Variants in SAMD3 observed in about 807,000 individuals in gnomAD.
SAMD3 encodes sterile alpha motif domain containing 3, also known as sterile alpha motif domain-containing protein 3.
A neutral mutation model predicts 58.5 loss-of-function variants in SAMD3; 63 were observed. The ratio of observed to expected loss-of-function variants is 1.08; its 90% CI spans 0.88 to 1.33. The LOEUF is 1.33. Ranked by LOEUF, SAMD3 falls within the 40% of genes most tolerant of loss-of-function variation. The probability of loss-of-function intolerance (pLI) is 0.00; values close to 1 mark genes in which losing one functional copy is unlikely to be tolerated. For missense variants in SAMD3, 604 were observed against 608.4 expected, an observed-to-expected ratio of 0.99 and a Z score of 0.08; for synonymous variants, 220 against 210.3, an observed-to-expected ratio of 1.05 and a Z score of -0.40.
intron 1 of SAMD3, among the ~76,000 whole-genome samples, chr6:130,319,341 C>CTTATAAT (rs1184825182): frequency 6.6e-6 from 1 of 151,874 alleles, no homozygotes; most frequent in Non-Finnish European, 1.5e-5. Flanking sequence ...TGCAAAGACA[C>CTTATAAT]GTTATAATGA....
At chr6:130,261,549 T>C (rs1334795971) in intron 2 of SAMD3, among the ~76,000 whole-genome samples, 1 of 152,172 alleles carries the variant, frequency 6.6e-6, no homozygotes, top group Admixed American at 6.5e-5. Flanking sequence ...ACTGCAAAAG[T>C]GTGTGTGTGC....
intron 8 of SAMD3, among the ~76,000 whole-genome samples, chr6:130,165,908 C>G (rs997345321): frequency 1.3e-5 from 2 of 152,126 alleles, no homozygotes; most frequent in East Asian, 1.9e-4. Context: ...GGATGAACAT[C>G]GAGCTATGAT....
upstream of SAMD3, among the ~76,000 whole-genome samples, chr6:130,225,126 G>T (rs1254499611): frequency 2.0e-5 from 3 of 151,328 alleles, no homozygotes; most frequent in Admixed American, 6.6e-5. Context: ...GAGAGGAAAA[G>T]GTTATGTGAA....
intron 2 of SAMD3, among the ~76,000 whole-genome samples, chr6:130,306,501 T>C (rs907260779): frequency 2.0e-5 from 3 of 152,206 alleles, no homozygotes; most frequent in Non-Finnish European, 2.9e-5. Context: ...AAGCATCTAC[T>C]CTCACAGGTG....
At chr6:130,149,632 G>A (rs927730825) in intron 9 of SAMD3, among the ~76,000 whole-genome samples, 4 of 152,176 alleles carry the variant, frequency 2.6e-5, no homozygotes, top group South Asian at 2.1e-4. Context: ...GATACTGCAT[G>A]TTCTTTCTTA....
chr6:130,298,899 T>C (rs893606993), intron 2 of SAMD3, among the ~76,000 whole-genome samples: 1 of 152,128 alleles, frequency 6.6e-6, no homozygotes, highest in Non-Finnish European at 1.5e-5. Flanking sequence ...CATTATTTAA[T>C]GATAAAGGGT....
Position 130,232,085 on chromosome 6 carries a change from C to A in SAMD3, c.-187-9272G>T, listed in dbSNP as rs1294692135. Among the ~76,000 whole-genome samples, 2 of 152,110 alleles carry A rather than the reference C, an allele frequency of 1.3e-5. 1 individual carries two copies. The highest frequency in any genetic ancestry group is 4.1e-4 in the South Asian group (2 of 4,826). ...AGTAGACATTACAGATAGACAGTTC[C>A]TGGATCGATAGTGACCCAGGAACTT... is the stretch of plus-strand genomic sequence containing the variant. On this transcript the variant is annotated intron_variant, in intron 2 of 13. Coordinates refer to the SAMD3 transcript ENST00000368134.
chr6:130,235,621 C>G (rs1773119425), intron 2 of SAMD3, among the ~76,000 whole-genome samples: 1 of 152,128 alleles, frequency 6.6e-6, no homozygotes, highest in Non-Finnish European at 1.5e-5. Flanking sequence ...CTTTCAGACT[C>G]TCAAATTTTA....
At chr6:130,214,125 T>C (rs1442680937) in intron 4 of SAMD3, among the ~76,000 whole-genome samples, 2 of 152,172 alleles carry the variant, frequency 1.3e-5, no homozygotes, top group Non-Finnish European at 2.9e-5. Flanking sequence ...TCCCTAATGA[T>C]TGGAATCCAT....
intron 2 of SAMD3, among the ~76,000 whole-genome samples, chr6:130,298,654 A>G (rs1775648111): frequency 6.6e-6 from 1 of 152,150 alleles, no homozygotes; most frequent in African/African-American, 2.4e-5. Context: ...ATAAACAAAA[A>G]GCTTAAATGC....
intron 5 of SAMD3, among the ~76,000 whole-genome samples, chr6:130,197,286 C>A (rs1180470018): frequency 6.6e-6 from 1 of 152,230 alleles, no homozygotes; most frequent in African/African-American, 2.4e-5. Context: ...TCTAGTCATA[C>A]TCTTATTCAC....
chr6:130,267,706 A>T (rs1204877597), intron 2 of SAMD3, among the ~76,000 whole-genome samples: 1 of 152,200 alleles, frequency 6.6e-6, no homozygotes, highest in African/African-American at 2.4e-5. Flanking sequence ...AAGTGATGTT[A>T]TCTACAGATT....
At chr6:130,302,438 CAA>C (rs1444016061) in intron 2 of SAMD3, among the ~76,000 whole-genome samples, 2 of 152,060 alleles carry the variant, frequency 1.3e-5, no homozygotes, top group African/African-American at 4.8e-5. Flanking sequence ...CAGATATTGG[CAA>C]AGATATGAAG....
chr6:130,218,917 GA>G (rs1387026422), intron 1 of SAMD3, among the ~76,000 whole-genome samples: 1 of 152,180 alleles, frequency 6.6e-6, no homozygotes, highest in Non-Finnish European at 1.5e-5. Context: ...GAAGATCGCA[GA>G]AAGGCTTAGA....
At chr6:130,224,578 A>C (rs1796332294), upstream of SAMD3, among the ~76,000 whole-genome samples, 1 of 149,444 alleles carries the variant, frequency 6.7e-6, no homozygotes, top group African/African-American at 2.5e-5. Context: ...GTTTATGCAA[A>C]AGCACTCTAT....
At chr6:130,336,837 G>T (rs1478370139) in intron 1 of SAMD3, among the ~76,000 whole-genome samples, 2 of 152,138 alleles carry the variant, frequency 1.3e-5, no homozygotes. Flanking sequence ...ACACAATTTT[G>T]TGGTGGTCTT....
At chr6:130,326,193 ACT>A (rs1302686756) in intron 1 of SAMD3, among the ~76,000 whole-genome samples, 1 of 151,500 alleles carries the variant, frequency 6.6e-6, no homozygotes, top group African/African-American at 2.4e-5. Context: ...GGATTTTCTG[ACT>A]CTATTTGTAT....
intron 1 of SAMD3, among the ~76,000 whole-genome samples, chr6:130,217,770 T>C (rs562127583): frequency 6.6e-6 from 1 of 152,332 alleles, no homozygotes; most frequent in African/African-American, 2.4e-5. Context: ...TTCTTTCTAT[T>C]TGCATTTTTC....
chr6:130,292,791 T>G (rs938944581), intron 2 of SAMD3, among the ~76,000 whole-genome samples: 2 of 151,940 alleles, frequency 1.3e-5, no homozygotes, highest in South Asian at 4.2e-4. Context: ...GCTAATTTTT[T>G]GTATTTTTAG....
Sources: allele counts gnomAD v4.1 joint callset (sites outside exome capture counted in the v4.1 genomes callset), GRCh38; gene constraint gnomAD v4.1.1; transcripts MANE v1.5; gene names NCBI Gene and HGNC (gene_info 2026-07-23, HGNC 2026-07-21).